The following TMCC1 variants were observed in gnomAD, a reference collection of about 807,000 sequenced individuals.
TMCC1 encodes the protein transmembrane and coiled-coil domain family 1.
A neutral mutation model predicts 52.4 loss-of-function variants in TMCC1; 15 were observed. That is an observed-to-expected ratio of 0.29 (90% CI 0.19 to 0.44). The LOEUF is 0.44. TMCC1 is among the 20% of genes least tolerant of loss of function. The pLI, the probability that TMCC1 is intolerant of heterozygous loss-of-function variation, is 1.00. For synonymous variants in TMCC1, 279 were observed against 301.9 expected (o/e 0.92, Z 0.79); for missense variants, 503 against 806.0 (o/e 0.62, Z 4.55).
At chr3:129,660,803 T>C (rs896774876) in intron 5 of TMCC1, among the ~76,000 whole-genome samples, 6 of 152,210 alleles carry the variant, frequency 3.9e-5, no homozygotes, top group Non-Finnish European at 8.8e-5. Flanking sequence ...AGTCTCACTA[T>C]GTTGTCCATG....
At chr3:129,887,893 T>C (rs887315792) in intron 1 of TMCC1, among the ~76,000 whole-genome samples, 3 of 152,266 alleles carry the variant, frequency 2.0e-5, no homozygotes, top group African/African-American at 4.8e-5. Flanking sequence ...GTGTGCAAAT[T>C]CTTAAGTAAT....
chr3:129,737,346 T>A (rs1560300145), intron 4 of TMCC1, among the ~76,000 whole-genome samples: 2 of 152,104 alleles, frequency 1.3e-5, no homozygotes, highest in South Asian at 4.1e-4. Flanking sequence ...CTGGGCGTGG[T>A]GGCACACACC....
intron 4 of TMCC1, among the ~76,000 whole-genome samples, chr3:129,808,107 G>C (rs549743350): frequency 1.6e-5 from 2 of 121,836 alleles, no homozygotes; most frequent in South Asian, 3.1e-4. Context: ...GGTCGGGGGT[G>C]GGGGGTCAAG....
chr3:129,838,341 C>T (rs574650634), intron 2 of TMCC1, among the ~76,000 whole-genome samples: 1 of 151,674 alleles, frequency 6.6e-6, no homozygotes, highest in South Asian at 2.1e-4. Context: ...CCCTGGAGGT[C>T]GAGGCTGCAA....
At chr3:129,789,116 G>T (rs1340531137) in intron 4 of TMCC1, among the ~76,000 whole-genome samples, 3 of 152,048 alleles carry the variant, frequency 2.0e-5, no homozygotes, top group African/African-American at 7.2e-5. Context: ...ATTTGAAAAC[G>T]TGCATCCAGT....
intron 4 of TMCC1, among the ~76,000 whole-genome samples, chr3:129,802,816 G>A (rs1186198007): frequency 6.6e-6 from 1 of 152,124 alleles, no homozygotes; most frequent in East Asian, 1.9e-4. Flanking sequence ...TGCCACCTTG[G>A]CATTTGAGAA....
intron 4 of TMCC1, among the ~76,000 whole-genome samples, chr3:129,705,220 G>A (rs1403924265): frequency 6.6e-6 from 1 of 152,188 alleles, no homozygotes; most frequent in Non-Finnish European, 1.5e-5. Context: ...CGAAAAGGAG[G>A]AGAGGAAAGA....
intron 4 of TMCC1, among the ~76,000 whole-genome samples, chr3:129,781,747 C>T (rs1302659405): frequency 6.6e-6 from 1 of 152,048 alleles, no homozygotes; most frequent in Non-Finnish European, 1.5e-5. Context: ...GGGTTTTGAT[C>T]ACGGGAATAA....
chr3:129,771,580 G>T (rs2054574879), intron 4 of TMCC1, among the ~76,000 whole-genome samples: 2 of 151,694 alleles, frequency 1.3e-5, no homozygotes, highest in Admixed American at 1.3e-4. Flanking sequence ...TTTGAGACCA[G>T]CCTGGACAAC....
chr3:129,719,018 A>G (rs2049344807), intron 4 of TMCC1, among the ~76,000 whole-genome samples: 1 of 152,140 alleles, frequency 6.6e-6, no homozygotes, highest in South Asian at 2.1e-4. Context: ...CTGGCATACA[A>G]CTACTAAAAT....
At chr3:129,891,354 C>T (rs2061955287) in intron 1 of TMCC1, among the ~76,000 whole-genome samples, 1 of 152,106 alleles carries the variant, frequency 6.6e-6, no homozygotes, top group Non-Finnish European at 1.5e-5. Flanking sequence ...TTTTAAATGG[C>T]TAGGGGAAAA....
At chr3:129,696,636 C>G (rs909431396) in intron 4 of TMCC1, among the ~76,000 whole-genome samples, 4 of 152,202 alleles carry the variant, frequency 2.6e-5, no homozygotes, top group African/African-American at 9.7e-5. Context: ...AGTCCAAAGT[C>G]TCATGTGAGA....
At chr3:129,859,651 T>TACACACACACACACAC (rs59213877) in intron 2 of TMCC1, among the ~76,000 whole-genome samples, 2 of 148,692 alleles carry the variant, frequency 1.3e-5, no homozygotes, top group African/African-American at 5.0e-5. Flanking sequence ...CACACACACA[T>TACACACACACACACAC]ACACACACAC....
intron 5 of TMCC1, among the ~76,000 whole-genome samples, chr3:129,659,648 A>C (rs147909165): frequency 2.2e-3 from 339 of 152,292 alleles, no homozygotes; most frequent in Admixed American, 5.6e-3. Flanking sequence ...ACAATAAACC[A>C]ATGTTTATCA....
chr3:129,808,864 A>T (rs1017239817), intron 4 of TMCC1, among the ~76,000 whole-genome samples: 3 of 151,498 alleles, frequency 2.0e-5, no homozygotes, highest in South Asian at 2.1e-4. Flanking sequence ...AAATTTCAGA[A>T]TAAAAAATTA....
intron 4 of TMCC1, among the ~76,000 whole-genome samples, chr3:129,709,495 A>AGAGAG (rs1553838646): frequency 8.1e-3 from 24 of 2,954 alleles, no homozygotes; most frequent in African/African-American, 0.015. Context: ...AAAAAAAAAA[A>AGAGAG]AAAGAGAGAG....
In TMCC1 at chr3:129,770,632, G is replaced by GAAATAAAATAAAATA. The variant is rs564101821; in HGVS notation, c.576+57156_576+57170dup. Among the ~76,000 whole-genome samples the GAAATAAAATAAAATA allele has an allele frequency of 5.7e-5, 8 of 140,806 alleles. No individual in the cohort carries two copies. In the East Asian group the frequency reaches 7.9e-4, roughly 14 times the overall value. The allele number at this position is 140,806 out of a possible 152,430, so 92.4% of individuals were successfully genotyped here. ...GAAATGAAATGAAATGAAATGAAAT[G>GAAATAAAATAAAATA]AAATAAAATAAAATAAAATAAAATA... On this transcript the variant is annotated intron_variant, in intron 4 of 6. Coordinates refer to ENST00000393238, the MANE Select transcript of TMCC1 (RefSeq NM_001017395.5).
At position 129,652,408 on chromosome 3, in the gene TMCC1, G is replaced by A. The variant is rs972397639; in HGVS notation, c.1648-613C>T. 2.6e-5 allele frequency among the ~76,000 whole-genome samples: 4 copies of A among 152,324 alleles called. No individual in the cohort carries two copies. The East Asian group carries it at 7.7e-4, about 29-fold the overall frequency. On this transcript the variant is annotated intron_variant, in intron 6 of 6. Transcript: ENST00000393238. Reference sequence around the variant, plus strand: ...GTGAGTTCTTGGCAATGATGGGAAAGAGGCTGGACATGCCTTATTATATCC... The same window carrying A: ...GTGAGTTCTTGGCAATGATGGGAAAAAGGCTGGACATGCCTTATTATATCC...
At chr3:129,741,165 G>C (rs1353095170) in intron 4 of TMCC1, among the ~76,000 whole-genome samples, 1 of 152,116 alleles carries the variant, frequency 6.6e-6, no homozygotes, top group East Asian at 1.9e-4. Context: ...TAGAATCACT[G>C]CTGTGTTGAC....
Sources: gnomAD v4.1 joint callset for allele counts (sites outside exome capture counted in the v4.1 genomes callset) on GRCh38, gnomAD v4.1.1 for gene constraint, MANE v1.5 for transcripts, NCBI Gene and HGNC (gene_info 2026-07-23, HGNC 2026-07-21) for gene names.